The following ABCC11 variants were observed in gnomAD, a reference collection of about 807,000 sequenced individuals.
ABCC11 encodes ATP binding cassette subfamily C member 11, also known as ATP-binding cassette sub-family C member 11.
In ABCC11, 135 loss-of-function variants were observed where a neutral mutation model predicts 149.3. That is an observed-to-expected ratio of 0.90 (90% CI 0.79 to 1.04). The LOEUF (loss-of-function observed/expected upper bound fraction) is 1.04, where lower values mean the gene tolerates loss of function less well. Ranked by LOEUF, ABCC11 falls within the 50% of genes least tolerant of loss-of-function variation. The probability of loss-of-function intolerance (pLI) is 0.00; values close to 1 mark genes in which losing one functional copy is unlikely to be tolerated. For synonymous variants in ABCC11, 665 were observed against 671.4 expected, an observed-to-expected ratio of 0.99 and a Z score of 0.15; for missense variants, 1,680 against 1,722.1, an observed-to-expected ratio of 0.98 and a Z score of 0.43.
At chr16:48,245,963 C>G (rs1461483948) in intron 1 of ABCC11, among the ~76,000 whole-genome samples, 1 of 152,086 alleles carries the variant, frequency 6.6e-6, no homozygotes, top group Non-Finnish European at 1.5e-5. Flanking sequence ...GCAGTTATCC[C>G]TTATTTTTAA....
intron 6 of ABCC11, among the ~76,000 whole-genome samples, chr16:48,217,670 T>C (rs1308161120): frequency 6.6e-6 from 1 of 152,250 alleles, no homozygotes; most frequent in Non-Finnish European, 1.5e-5. Context: ...TAATGTTTTC[T>C]AGAATTGCCA....
At chr16:48,182,507 C>T (rs1040911010) in intron 23 of ABCC11, among the ~76,000 whole-genome samples, 5 of 152,080 alleles carry the variant, frequency 3.3e-5, no homozygotes, top group East Asian at 1.9e-4. Flanking sequence ...GGGCGGGGCG[C>T]GGTGGCTCAC....
chr16:48,229,505 CGGACTGCGGACT>C (rs1275578601), intron 3 of ABCC11, among the ~76,000 whole-genome samples: 1 of 145,720 alleles, frequency 6.9e-6, no homozygotes, highest in Admixed American at 6.8e-5. Context: ...TCACCCAGCC[CGGACTGCGGACT>C]GCAGTGGCGC....
At chr16:48,235,434 C>T (rs1428575728) in intron 1 of ABCC11, among the ~76,000 whole-genome samples, 2 of 152,232 alleles carry the variant, frequency 1.3e-5, no homozygotes, top group Admixed American at 6.5e-5. Context: ...ATCCAGGAAA[C>T]TAACGACATG....
chr16:48,194,770 G>A (rs1212986116), intron 18 of ABCC11, among the ~76,000 whole-genome samples: 2 of 152,178 alleles, frequency 1.3e-5, no homozygotes, highest in South Asian at 4.1e-4. Context: ...AGTAGATACT[G>A]GGCCCTCACC....
chr16:48,172,258 T>C (rs1179526904), intron 26 of ABCC11, among the ~76,000 whole-genome samples: 2 of 152,214 alleles, frequency 1.3e-5, no homozygotes, highest in Non-Finnish European at 2.9e-5. Flanking sequence ...ATTTTGTTTT[T>C]CCATTCATCT....
At chr16:48,228,037 A>ACTG in intron 3 of ABCC11, 73 bp from the exon 4 acceptor site, 1 of 1,242,218 alleles carries the variant, frequency 8.1e-7, no homozygotes, top group South Asian at 1.9e-5. Flanking sequence ...CAACCATATT[A>ACTG]AAACACAACG....
chr16:48,175,019 A>T (rs1371873072), intron 26 of ABCC11, among the ~76,000 whole-genome samples: 2 of 152,210 alleles, frequency 1.3e-5, no homozygotes, highest in Admixed American at 6.5e-5. Flanking sequence ...AAAAATAAAA[A>T]TATGTTTTGT....
intron 20 of ABCC11, 149 bp downstream of exon 20, chr16:48,192,371 A>G: frequency 2.4e-6 from 2 of 836,776 alleles, no homozygotes; most frequent in Admixed American, 5.7e-5. Context: ...TTCAGCCTGG[A>G]AGGTGGAGGT....
chr16:48,213,160 A>G (rs1422690789), intron 10 of ABCC11, among the ~76,000 whole-genome samples: 48 of 152,212 alleles, frequency 3.2e-4, no homozygotes, highest in Admixed American at 3.1e-3. Context: ...AAAACTATCT[A>G]TTGGGGTAAC....
chr16:48,208,472 T>C lies in ABCC11; in HGVS notation c.1633A>G (p.Asn545Asp). ...SKGMMLGVCGNTGSGKSSLLS... is the reference protein window; with the variant it reads ...SKGMMLGVCGDTGSGKSSLLS... ...AGGCTGCTCTTACCACTCCCCGTGT[T>C]GCCGCAGACCCCTAACATCATCCCC... is the stretch of plus-strand genomic sequence containing the variant. Residue 545 changes from asparagine to aspartate, a missense_variant, in exon 12 of 30, where the codon AAC (asparagine) becomes GAC (aspartate). Transcript: ENST00000356608. 1 of 1,614,186 alleles carries C rather than the reference T, an allele frequency of 6.2e-7. No individual in the cohort carries two copies. Among genetic ancestry groups the C allele is most frequent in the East Asian group, 2.2e-5 (1 of 44,878 alleles).
intron 20 of ABCC11, among the ~76,000 whole-genome samples, chr16:48,191,610 G>C (rs1010031117): frequency 1.3e-5 from 2 of 152,216 alleles, no homozygotes; most frequent in African/African-American, 2.4e-5. Context: ...TCAAGTCTTT[G>C]CTATTGTGAA....
chr16:48,216,762 T>G (rs1440156510), intron 6 of ABCC11, among the ~76,000 whole-genome samples: 1 of 152,190 alleles, frequency 6.6e-6, no homozygotes, highest in East Asian at 1.9e-4. Flanking sequence ...ATAACAGAAC[T>G]GGCTAAAATC....
At chr16:48,227,709 C>A in intron 4 of ABCC11, 97 bp downstream of exon 4, 1 of 1,537,122 alleles carries the variant, frequency 6.5e-7, no homozygotes. Flanking sequence ...AGTCGTCTGG[C>A]ATGGCCCCTC....
At chr16:48,220,030 G>T (rs1372083409) in intron 6 of ABCC11, among the ~76,000 whole-genome samples, 1 of 152,164 alleles carries the variant, frequency 6.6e-6, no homozygotes, top group African/African-American at 2.4e-5. Flanking sequence ...ATAAGCAACT[G>T]CCTAGAAATC....
chr16:48,205,403 A>G lies in ABCC11; in HGVS notation c.1805+10T>C. On this transcript the variant is annotated intron_variant, in intron 13 of 29. Coordinates refer to ENST00000356608, the MANE Select transcript of ABCC11 (RefSeq NM_001370497.1). ...CCCTGTACTCTCCCTTTCCCCTCCC[A>G]GGAGCTTACCGGGCCTTGTCATATG... The G allele has an allele frequency of 6.2e-7, 1 of 1,613,974 alleles. No individual in the cohort carries two copies. The highest frequency in any genetic ancestry group is 8.5e-7 in the Non-Finnish European group (1 of 1,179,924).
rs1965371665 is a variant in ABCC11, at chr16:48,167,031, G to A, written c.*243C>T. The A allele has an allele frequency of 3.9e-6, 2 of 515,170 alleles. No homozygotes were observed. The highest frequency in any genetic ancestry group is 3.8e-5 in the African/African-American group (2 of 52,242). 31.9% of individuals were successfully genotyped at this position (515,170 alleles called of 1,614,324 possible). A position where few individuals can be genotyped will look rare whatever the true frequency, so the allele number is the denominator to read the frequency against. On this transcript the variant is annotated 3_prime_UTR_variant, in exon 30 of 30. Coordinates refer to ENST00000356608, the MANE Select transcript of ABCC11 (RefSeq NM_001370497.1). ...AATTATTCAGCATGTAAGTTAAAAGGAGAACCACATGATCACTGAATCCCA... is the reference window on the plus strand; with the variant it reads ...AATTATTCAGCATGTAAGTTAAAAGAAGAACCACATGATCACTGAATCCCA...
intron 23 of ABCC11, among the ~76,000 whole-genome samples, chr16:48,182,095 G>A (rs1966471672): frequency 6.6e-6 from 1 of 152,200 alleles, no homozygotes; most frequent in Non-Finnish European, 1.5e-5. Flanking sequence ...AACGAGGAGT[G>A]AGATGGAGCC....
intron 1 of ABCC11, among the ~76,000 whole-genome samples, chr16:48,243,595 G>GT (rs112913257): frequency 0.13 from 19,891 of 152,016 alleles, 1,618 homozygotes; most frequent in African/African-American, 0.23. Context: ...CGATAATAAT[G>GT]TTAATTTCCT....
Sources: allele counts gnomAD v4.1 joint callset (sites outside exome capture counted in the v4.1 genomes callset), GRCh38; gene constraint gnomAD v4.1.1; transcripts MANE v1.5; gene names NCBI Gene and HGNC (gene_info 2026-07-23, HGNC 2026-07-21).